Variants in IL1R1 observed in about 807,000 individuals in gnomAD.
The protein encoded by IL1R1 is interleukin-1 receptor type 1.
A neutral mutation model predicts 50.2 loss-of-function variants in IL1R1; 22 were observed. The observed-to-expected ratio is 0.44, with a 90% CI of 0.31 to 0.63. The LOEUF (loss-of-function observed/expected upper bound fraction) is 0.63. IL1R1 is among the 20% of genes least tolerant of loss of function. The probability of loss-of-function intolerance (pLI) is 0.07; values close to 1 mark genes in which losing one functional copy is unlikely to be tolerated. For synonymous variants in IL1R1, 251 were observed against 236.7 expected, an observed-to-expected ratio of 1.06 and a Z score of -0.55; for missense variants, 509 against 676.2, an observed-to-expected ratio of 0.75 and a Z score of 2.74.
intron 11 of IL1R1, chr2:102,176,052 C>T: frequency 4.4e-6 from 2 of 452,612 alleles, no homozygotes; most frequent in South Asian, 2.9e-5. Flanking sequence ...TTTGCAGTGG[C>T]TCATGCCTTT....
In IL1R1 at chr2:102,170,996, G is replaced by C. The variant is rs536011385; in HGVS notation, c.722-805G>C. Among the ~76,000 whole-genome samples, 63 of 152,306 alleles carry C rather than the reference G, an allele frequency of 4.1e-4. No individual in the cohort carries two copies. The South Asian group carries it at 7.7e-3, about 19-fold the overall frequency. On this transcript the variant is annotated intron_variant, in intron 7 of 11. Transcript: ENST00000410023. ...GAGTCACTTGAACCCAGGAGGAGAA[G>C]GTTACAGTGAGCCGAGATTGTGCCA...
chr2:102,158,000 A>G (rs1684353965), intron 3 of IL1R1, among the ~76,000 whole-genome samples: 1 of 152,202 alleles, frequency 6.6e-6, no homozygotes, highest in South Asian at 2.1e-4. Context: ...AGGCCTAGTG[A>G]GGCTGAGAGC....
intron 1 of IL1R1, among the ~76,000 whole-genome samples, chr2:102,105,387 T>A (rs1301781374): frequency 6.6e-6 from 1 of 152,160 alleles, no homozygotes; most frequent in African/African-American, 2.4e-5. Flanking sequence ...TTGTTTGAGA[T>A]GGGGTCTCAC....
At chr2:102,166,025 A>G in intron 5 of IL1R1, 88 bp from the exon 6 acceptor site, 1 of 1,099,850 alleles carries the variant, frequency 9.1e-7, no homozygotes, top group African/African-American at 1.6e-5. Context: ...AACATTTGCT[A>G]AGGTGAAAAA....
chr2:102,173,934 C>G (rs1418559837), intron 9 of IL1R1, among the ~76,000 whole-genome samples: 1 of 152,124 alleles, frequency 6.6e-6, no homozygotes, highest in Non-Finnish European at 1.5e-5. Context: ...GGATATTTGT[C>G]TGGAAAATGG....
rs1577912483 is a variant in IL1R1 at position 102,129,091 on chromosome 2, G to A, written c.-84+24219G>A. On this transcript the variant is annotated intron_variant, in intron 1 of 10. Coordinates refer to the IL1R1 transcript ENST00000409329. The stretch of plus-strand genomic sequence containing the variant: ...CTGGGTGTGGTGGTCCAGGCCTGTA[G>A]TCCCAGCTACTTGGGAGGCTGAGGT... 2.0e-5 allele frequency among the ~76,000 whole-genome samples: 3 copies of A among 152,182 alleles called. No individual in the cohort carries two copies. In the South Asian group the frequency reaches 6.2e-4, roughly 32 times the overall value.
At chr2:102,175,884 C>T (rs1204752790) in intron 11 of IL1R1, 1 of 598,620 alleles carries the variant, frequency 1.7e-6, no homozygotes, top group Non-Finnish European at 3.0e-6. Flanking sequence ...ACTAGTTAAA[C>T]CCAACAGTTG....
intron 1 of IL1R1, among the ~76,000 whole-genome samples, chr2:102,127,659 G>GTGTGTGTGTGTGAC (rs2104407878): frequency 3.3e-5 from 1 of 30,480 alleles, no homozygotes; most frequent in East Asian, 1.0e-3. Flanking sequence ...GTGTGTGACT[G>GTGTGTGTGTGTGAC]TGTGTGTGTG....
At chr2:102,136,240 A>G (rs182691385) in intron 1 of IL1R1, among the ~76,000 whole-genome samples, 54 of 152,284 alleles carry the variant, frequency 3.5e-4, no homozygotes, top group African/African-American at 1.2e-3. Flanking sequence ...CTCTTAACAC[A>G]GTAATCTACC....
chr2:102,075,279 G>T (rs1678910154), intron 1 of IL1R1, among the ~76,000 whole-genome samples: 1 of 152,124 alleles, frequency 6.6e-6, no homozygotes, highest in Admixed American at 6.5e-5. Flanking sequence ...TAATCAGTTT[G>T]CACAGGAAAA....
chr2:102,176,574 A>C lies in IL1R1; in HGVS notation c.1525A>C (p.Lys509Gln), dbSNP rs1686156443. The change falls in exon 12 of 12, where the codon AAA becomes CAA. Residue 509 changes from lysine (K) to glutamine (Q), a missense_variant. Coordinates refer to ENST00000410023, the MANE Select transcript of IL1R1 (RefSeq NM_000877.4). ...AGAATCGATTAAATTCATTAAGCAGAAACATGGGGCTATCCGCTGGTCAGG... is the reference window on the plus strand; with the variant it reads ...AGAATCGATTAAATTCATTAAGCAGCAACATGGGGCTATCCGCTGGTCAGG... The part of the protein sequence containing the change: ...MPESIKFIKQ[K>Q]HGAIRWSGDF... The C allele has an allele frequency of 5.0e-6, 8 of 1,614,212 alleles. No homozygotes were observed. The highest frequency in any genetic ancestry group is 5.1e-6 in the Non-Finnish European group (6 of 1,180,040).
At chr2:102,138,346 T>C (rs1167851908), upstream of IL1R1, among the ~76,000 whole-genome samples, 1 of 152,252 alleles carries the variant, frequency 6.6e-6, no homozygotes, top group Non-Finnish European at 1.5e-5. Flanking sequence ...TTGCCTTCAC[T>C]GAGCAAGATT....
chr2:102,071,266 C>G (rs1051231459), intron 1 of IL1R1, among the ~76,000 whole-genome samples: 3 of 152,132 alleles, frequency 2.0e-5, no homozygotes, highest in Admixed American at 1.3e-4. Flanking sequence ...TAATTTATAT[C>G]AAATTTATAT....
intron 1 of IL1R1, among the ~76,000 whole-genome samples, chr2:102,080,920 C>A (rs975322918): frequency 2.0e-5 from 3 of 152,132 alleles, no homozygotes; most frequent in African/African-American, 7.2e-5. Context: ...CATAGAGGAA[C>A]CTTGAAAGCA....
upstream of IL1R1, among the ~76,000 whole-genome samples, chr2:102,139,336 C>T (rs1173204176): frequency 1.3e-5 from 2 of 152,196 alleles, no homozygotes; most frequent in Non-Finnish European, 2.9e-5. Flanking sequence ...GTCCTCAGGC[C>T]CAGGCATATC....
chr2:102,123,295 A>G (rs746844837), intron 1 of IL1R1, among the ~76,000 whole-genome samples: 3 of 152,230 alleles, frequency 2.0e-5, no homozygotes, highest in Non-Finnish European at 4.4e-5. Flanking sequence ...AAGTGTCATG[A>G]AACTCATTTT....
chr2:102,143,785 T>A (rs1682882145), intron 1 of IL1R1, among the ~76,000 whole-genome samples: 1 of 152,224 alleles, frequency 6.6e-6, no homozygotes, highest in East Asian at 1.9e-4. Flanking sequence ...GGCACGCAGA[T>A]GCTGGCTCCT....
chr2:102,119,382 A>C (rs1246806482), intron 1 of IL1R1, among the ~76,000 whole-genome samples: 1 of 152,202 alleles, frequency 6.6e-6, no homozygotes, highest in Non-Finnish European at 1.5e-5. Flanking sequence ...TAGAAAATAA[A>C]TTTTGTGTGG....
intron 1 of IL1R1, among the ~76,000 whole-genome samples, chr2:102,134,074 G>A (rs1264316167): frequency 6.6e-6 from 1 of 152,180 alleles, no homozygotes; most frequent in East Asian, 1.9e-4. Context: ...ACAAAAATCA[G>A]TTGTATACTA....
Sources: allele counts gnomAD v4.1 joint callset (sites outside exome capture counted in the v4.1 genomes callset), GRCh38; gene constraint gnomAD v4.1.1; transcripts MANE v1.5; gene names NCBI Gene and HGNC (gene_info 2026-07-23, HGNC 2026-07-21).